The following GAP43 variants were observed in gnomAD, a reference collection of about 807,000 sequenced individuals.
The protein encoded by GAP43 is growth associated protein 43.
Under a neutral mutation model 18.6 loss-of-function variants are expected in GAP43, and 6 were observed. The observed-to-expected ratio is 0.32, with a 90% CI of 0.18 to 0.64. The LOEUF (loss-of-function observed/expected upper bound fraction) is 0.64. GAP43 is among the 30% of genes least tolerant of loss of function. GAP43 has a pLI of 0.78. For missense variants in GAP43, 292 were observed against 295.5 expected, an observed-to-expected ratio of 0.99 and a Z score of 0.09; for synonymous variants, 115 against 111.4, an observed-to-expected ratio of 1.03 and a Z score of -0.20.
chr3:115,714,723 A>G (rs545829005), intron 2 of GAP43, among the ~76,000 whole-genome samples: 1 of 150,788 alleles, frequency 6.6e-6, no homozygotes, highest in South Asian at 2.1e-4. Context: ...TTTTTTTTAG[A>G]CACATTCGGT....
chr3:115,701,894 T>A (rs1031196335), intron 2 of GAP43, among the ~76,000 whole-genome samples: 3 of 152,168 alleles, frequency 2.0e-5, no homozygotes, highest in African/African-American at 4.8e-5. Flanking sequence ...TTAACATCAA[T>A]TGTATTAGTA....
At chr3:115,648,911 T>C (rs1209341344) in intron 1 of GAP43, among the ~76,000 whole-genome samples, 1 of 152,096 alleles carries the variant, frequency 6.6e-6, no homozygotes, top group Non-Finnish European at 1.5e-5. Flanking sequence ...GACCATTGAA[T>C]ATAGGAATAA....
chr3:115,701,619 A>G (rs1168652526), intron 2 of GAP43, among the ~76,000 whole-genome samples: 1 of 152,018 alleles, frequency 6.6e-6, no homozygotes, highest in Non-Finnish European at 1.5e-5. Flanking sequence ...TGGACCTATA[A>G]TTAGGAGGCT....
chr3:115,716,721 T>C (rs1432789069), intron 2 of GAP43, among the ~76,000 whole-genome samples: 1 of 16,612 alleles, frequency 6.0e-5, no homozygotes, highest in Non-Finnish European at 1.1e-4. Context: ...CAGACAAATA[T>C]ATATATATAT....
chr3:115,705,331 A>G (rs1304965575), intron 2 of GAP43, among the ~76,000 whole-genome samples: 1 of 152,202 alleles, frequency 6.6e-6, no homozygotes, highest in Non-Finnish European at 1.5e-5. Context: ...AGATAATTAA[A>G]TCATTTAATC....
At chr3:115,683,124 TGCGCGCGCGTGCGCGCGC>T (rs1163813575) in intron 2 of GAP43, among the ~76,000 whole-genome samples, 3 of 113,796 alleles carry the variant, frequency 2.6e-5, no homozygotes, top group African/African-American at 9.4e-5. Flanking sequence ...TACATACATG[TGCGCGCGCGTGCGCGCGC>T]GCGCGCACAC....
rs374303206 is a variant in GAP43, at chr3:115,720,837, C to T, written c.672C>T (p.Asp224=). 62 of 1,612,818 alleles carry T rather than the reference C, an allele frequency of 3.8e-5. No homozygotes were observed. The highest frequency in any genetic ancestry group is 9.4e-5 in the African/African-American group (7 of 74,768). The change falls in exon 3 of 3, where the codon GAC becomes GAT. Residue 224 remains aspartate, a synonymous_variant. Transcript: ENST00000305124. ...AACCTAAGGAAAGTGCCCGGCAGGA[C>T]GAGGGTAAAGAAGAGGAACCTGAGG... ...ETKPKESARQ[D]EGKEEEPEAD...
chr3:115,658,511 A>T (rs1708614953), intron 1 of GAP43: 2 of 152,118 alleles, frequency 1.3e-5, no homozygotes. Context: ...GCCGTCAGTC[A>T]CCGGCTCTCT....
At chr3:115,656,160 G>A (rs1345162654) in intron 1 of GAP43, among the ~76,000 whole-genome samples, 1 of 152,210 alleles carries the variant, frequency 6.6e-6, no homozygotes, top group Non-Finnish European at 1.5e-5. Flanking sequence ...GTCATGGTGT[G>A]ATGGTCTCTT....
intron 1 of GAP43, among the ~76,000 whole-genome samples, chr3:115,635,689 C>T (rs1376602664): frequency 6.6e-6 from 1 of 151,160 alleles, no homozygotes; most frequent in Non-Finnish European, 1.5e-5. Context: ...AGAAAAGAAT[C>T]CAAGAAGTAC....
intron 2 of GAP43, 91 bp downstream of exon 2, chr3:115,676,701 G>C: frequency 7.7e-7 from 1 of 1,295,314 alleles, no homozygotes; most frequent in Non-Finnish European, 1.0e-6. Flanking sequence ...TGAGGGAGAG[G>C]AAAAAGTCTA....
chr3:115,702,879 G>A (rs186903180), intron 2 of GAP43, among the ~76,000 whole-genome samples: 3 of 152,298 alleles, frequency 2.0e-5, no homozygotes, highest in Admixed American at 2.0e-4. Context: ...TACAGGTAAA[G>A]AAGGGGATCA....
chr3:115,677,714 G>A (rs1245845302), intron 2 of GAP43, among the ~76,000 whole-genome samples: 1 of 152,220 alleles, frequency 6.6e-6, no homozygotes, highest in African/African-American at 2.4e-5. Context: ...AATGATGTTT[G>A]TCATCCAAGG....
intron 1 of GAP43, among the ~76,000 whole-genome samples, chr3:115,628,353 C>G (rs1243423602): frequency 6.6e-6 from 1 of 152,024 alleles, no homozygotes; most frequent in African/African-American, 2.4e-5. Flanking sequence ...CCTCATCTAT[C>G]TTAAAAGATT....
intron 2 of GAP43, among the ~76,000 whole-genome samples, chr3:115,693,719 A>G (rs2107360364): frequency 7.0e-6 from 1 of 143,818 alleles, no homozygotes; most frequent in Admixed American, 7.0e-5. Flanking sequence ...GGAAACCGAA[A>G]GAGAGAAGAG....
intron 1 of GAP43, among the ~76,000 whole-genome samples, chr3:115,646,021 G>A (rs1006357360): frequency 2.0e-4 from 31 of 151,960 alleles, no homozygotes; most frequent in African/African-American, 7.2e-4. Flanking sequence ...TTAAGTGTTG[G>A]ACTAAGTTTT....
intron 1 of GAP43, among the ~76,000 whole-genome samples, chr3:115,639,502 G>A (rs561432045): frequency 1.3e-5 from 2 of 152,182 alleles, no homozygotes; most frequent in African/African-American, 2.4e-5. Context: ...GAATCCTGGT[G>A]AGGTTTCAGA....
At chr3:115,708,000 CACACACACACACACAT>C (rs6148027) in intron 2 of GAP43, among the ~76,000 whole-genome samples, 82,182 of 151,496 alleles carry the variant, frequency 0.54, 22,943 homozygotes, top group East Asian at 0.73. Context: ...TACACACACA[CACACACACACACACAT>C]ATATATATAC....
At chr3:115,699,269 G>A (rs564767095) in intron 2 of GAP43, among the ~76,000 whole-genome samples, 9 of 152,234 alleles carry the variant, frequency 5.9e-5, no homozygotes, top group African/African-American at 2.2e-4. Flanking sequence ...ACAGTAACAG[G>A]GTTAATGCCA....
Sources: allele counts gnomAD v4.1 joint callset (sites outside exome capture counted in the v4.1 genomes callset), GRCh38; gene constraint gnomAD v4.1.1; transcripts MANE v1.5; gene names NCBI Gene and HGNC (gene_info 2026-07-23, HGNC 2026-07-21).